Variants in BLTP3A observed in about 807,000 individuals in gnomAD.
BLTP3A encodes bridge-like lipid transfer protein family member 3A, also known as ICBP90 binding protein 1.
At chr6:34,856,703 A>G in the BLTP3A span, 1 of 1,512,234 alleles carries the variant, frequency 6.6e-7, no homozygotes, top group Admixed American at 1.9e-5. Context: ...TATAACATTA[A>G]TGATCTTAGG....
chr6:34,852,340 C>T, the BLTP3A span, among the ~76,000 whole-genome samples: 4 of 151,540 alleles, frequency 2.6e-5, no homozygotes, highest in Non-Finnish European at 4.4e-5. Context: ...AGTCAGCAGG[C>T]GATGAATCCT....
chr6:34,850,840 G>T, the BLTP3A span, among the ~76,000 whole-genome samples: 1 of 152,036 alleles, frequency 6.6e-6, no homozygotes, highest in Non-Finnish European at 1.5e-5. Context: ...AGGACTACAG[G>T]CATGCACCAC....
the BLTP3A span, among the ~76,000 whole-genome samples, chr6:34,850,349 A>C: frequency 6.6e-6 from 1 of 152,070 alleles, no homozygotes; most frequent in African/African-American, 2.4e-5. Flanking sequence ...CTCTGGATTA[A>C]ATATGCTTGT....
chr6:34,843,079 A>G, the BLTP3A span, among the ~76,000 whole-genome samples: 973 of 152,096 alleles, frequency 6.4e-3, 8 homozygotes, highest in African/African-American at 0.021. Context: ...AACTTCCCAG[A>G]CTCAAACGAT....
chr6:34,837,254 T>G, the BLTP3A span, among the ~76,000 whole-genome samples: 1 of 152,190 alleles, frequency 6.6e-6, no homozygotes, highest in Non-Finnish European at 1.5e-5. Context: ...AAGATCTAGA[T>G]TCACTGGCCA....
chr6:34,871,189 A>G, the BLTP3A span: 1 of 1,516,738 alleles, frequency 6.6e-7, no homozygotes, highest in Non-Finnish European at 8.9e-7. Context: ...CAAGCAAGGA[A>G]GCAGTGACAC....
chr6:34,800,492 G>C, the BLTP3A span, among the ~76,000 whole-genome samples: 1,124 of 152,258 alleles, frequency 7.4e-3, 21 homozygotes, highest in African/African-American at 0.026. Context: ...AGTAATGGGG[G>C]TTGTAGGGAG....
the BLTP3A span, among the ~76,000 whole-genome samples, chr6:34,823,539 GT>G: frequency 3.4e-4 from 45 of 134,074 alleles, no homozygotes; most frequent in Non-Finnish European, 4.0e-4. Context: ...TTCTTCTTCT[GT>G]TTTTTTTTTT....
the BLTP3A span, among the ~76,000 whole-genome samples, chr6:34,817,676 C>G: frequency 1.3e-5 from 2 of 152,094 alleles, no homozygotes; most frequent in Admixed American, 6.6e-5. Flanking sequence ...GAACACTGAG[C>G]TTGGGGAATC....
the BLTP3A span, among the ~76,000 whole-genome samples, chr6:34,848,469 G>A: frequency 8.4e-3 from 1,273 of 151,918 alleles, 17 homozygotes; most frequent in African/African-American, 0.027. Flanking sequence ...AGCTTGGCAT[G>A]GTGGCAGGCA....
chr6:34,814,379 G>T, the BLTP3A span, among the ~76,000 whole-genome samples: 1 of 152,052 alleles, frequency 6.6e-6, no homozygotes, highest in Admixed American at 6.6e-5. Flanking sequence ...ATCAGTTAAA[G>T]AATTCTTACT....
At chr6:34,795,996 G>A in the BLTP3A span, among the ~76,000 whole-genome samples, 1 of 152,170 alleles carries the variant, frequency 6.6e-6, no homozygotes, top group African/African-American at 2.4e-5. Context: ...TGTGACATTT[G>A]TGTCTCTGTG....
chr6:34,802,706 A>G, the BLTP3A span, among the ~76,000 whole-genome samples: 2 of 152,316 alleles, frequency 1.3e-5, no homozygotes, highest in Admixed American at 1.3e-4. Context: ...CCACGTTTGC[A>G]TGCAAACATC....
chr6:34,824,824 C>A, the BLTP3A span, among the ~76,000 whole-genome samples: 2 of 151,758 alleles, frequency 1.3e-5, no homozygotes, highest in Admixed American at 6.6e-5. Context: ...GTGCCCCACA[C>A]CACACCTGGC....
the BLTP3A span, chr6:34,871,178 T>A: frequency 6.5e-7 from 1 of 1,548,138 alleles, no homozygotes; most frequent in Non-Finnish European, 8.7e-7. Context: ...CTGGACTTTG[T>A]CAAGCAAGGA....
chr6:34,856,480 A>T, the BLTP3A span: 1 of 1,540,788 alleles, frequency 6.5e-7, no homozygotes. Context: ...AACAGTGGAG[A>T]TAAAGCAAGA....
the BLTP3A span, among the ~76,000 whole-genome samples, chr6:34,843,813 C>A: frequency 1.3e-5 from 2 of 152,136 alleles, no homozygotes; most frequent in African/African-American, 4.8e-5. Context: ...TTTTGAAGAA[C>A]TTCCATACTG....
the BLTP3A span, among the ~76,000 whole-genome samples, chr6:34,862,630 G>A: frequency 1.3e-5 from 2 of 151,692 alleles, no homozygotes; most frequent in Non-Finnish European, 2.9e-5. Context: ...GTCAGGAGAT[G>A]GAGACCATGC....
At chr6:34,801,567 C>T in the BLTP3A span, among the ~76,000 whole-genome samples, 1 of 152,158 alleles carries the variant, frequency 6.6e-6, no homozygotes, top group African/African-American at 2.4e-5. Flanking sequence ...AATAATCTCA[C>T]ATAAAGAAGC....
Sources: gnomAD v4.1 joint callset for allele counts (sites outside exome capture counted in the v4.1 genomes callset) on GRCh38, gnomAD v4.1.1 for gene constraint, MANE v1.5 for transcripts, NCBI Gene and HGNC (gene_info 2026-07-23, HGNC 2026-07-21) for gene names.